The following PRIM2 variants were observed in gnomAD, a reference collection of about 807,000 sequenced individuals.
PRIM2 encodes DNA primase large subunit.
Under a neutral mutation model 67.3 loss-of-function variants are expected in PRIM2, and 39 were observed. That is an observed-to-expected ratio of 0.58 (90% CI 0.45 to 0.76). The LOEUF is 0.76. Among genes scored for constraint, PRIM2 ranks in the 30% least tolerant of loss-of-function variants. The pLI is 0.00. For synonymous variants in PRIM2, 143 were observed against 198.7 expected (o/e 0.72, Z 2.36); for missense variants, 398 against 598.7 (o/e 0.66, Z 3.50).
intron 8 of PRIM2, among the ~76,000 whole-genome samples, chr6:57,521,608 T>A (rs1313142957): frequency 6.6e-6 from 1 of 152,118 alleles, no homozygotes. Flanking sequence ...TACTTTTTAA[T>A]GGTCCAAATA....
chr6:57,368,043 CA>C (rs1402173840), intron 5 of PRIM2, among the ~76,000 whole-genome samples: 2 of 152,162 alleles, frequency 1.3e-5, no homozygotes, highest in Non-Finnish European at 2.9e-5. Context: ...TTTATAATCA[CA>C]GTATTTGCTA....
At chr6:57,262,090 G>T in the PRIM2 span, among the ~76,000 whole-genome samples, 1 of 152,080 alleles carries the variant, frequency 6.6e-6, no homozygotes, top group African/African-American at 2.4e-5. Context: ...CCCCACTGTT[G>T]CCCAGATCAG....
At chr6:57,244,268 C>T in the PRIM2 span, among the ~76,000 whole-genome samples, 4 of 152,278 alleles carry the variant, frequency 2.6e-5, no homozygotes, top group African/African-American at 4.8e-5. Flanking sequence ...CTTTGTTTAA[C>T]GAAATGCACC....
chr6:57,414,274 A>G (rs1412029081), intron 7 of PRIM2, among the ~76,000 whole-genome samples: 1 of 152,138 alleles, frequency 6.6e-6, no homozygotes, highest in African/African-American at 2.4e-5. Flanking sequence ...GAACATGAAT[A>G]TTTCTATGAC....
At chr6:57,439,958 T>C (rs1264944851) in intron 7 of PRIM2, among the ~76,000 whole-genome samples, 2 of 152,140 alleles carry the variant, frequency 1.3e-5, no homozygotes, top group African/African-American at 2.4e-5. Context: ...TTTAAAAATA[T>C]TATAAATTAC....
the PRIM2 span, among the ~76,000 whole-genome samples, chr6:57,241,688 A>AT: frequency 0.029 from 3,393 of 119,006 alleles, 143 homozygotes; most frequent in African/African-American, 0.066. Flanking sequence ...AGAACTATGT[A>AT]TTTTTTTTTT....
At chr6:57,341,831 C>T (rs62418104) in intron 5 of PRIM2, among the ~76,000 whole-genome samples, 1 of 152,250 alleles carries the variant, frequency 6.6e-6, no homozygotes, top group South Asian at 2.1e-4. Flanking sequence ...AAGGAAACAG[C>T]AGGGAGTGGG....
intron 7 of PRIM2, among the ~76,000 whole-genome samples, chr6:57,460,313 G>A (rs1462839856): frequency 1.3e-5 from 2 of 152,214 alleles, no homozygotes; most frequent in African/African-American, 4.8e-5. Context: ...ACTTGATGGA[G>A]TGCTTAATTT....
intron 7 of PRIM2, among the ~76,000 whole-genome samples, chr6:57,386,226 A>AAAC (rs78426519): frequency 1.1e-4 from 17 of 151,182 alleles, no homozygotes; most frequent in East Asian, 5.9e-4. Context: ...TCTCTACTAA[A>AAAC]AACAACAACA....
At chr6:57,478,571 A>G (rs1773535847) in intron 7 of PRIM2, among the ~76,000 whole-genome samples, 1 of 152,134 alleles carries the variant, frequency 6.6e-6, no homozygotes, top group Non-Finnish European at 1.5e-5. Flanking sequence ...ATACTCTACT[A>G]AAATTATTTA....
At chr6:57,536,716 A>G (rs1309615787) in intron 9 of PRIM2, among the ~76,000 whole-genome samples, 230 of 152,356 alleles carry the variant, frequency 1.5e-3, no homozygotes, top group African/African-American at 5.2e-3. Flanking sequence ...CTGAGTAAAA[A>G]ATGACAATCT....
the PRIM2 span, among the ~76,000 whole-genome samples, chr6:57,222,791 A>G: frequency 6.6e-6 from 1 of 152,254 alleles, no homozygotes; most frequent in Non-Finnish European, 1.5e-5. Context: ...ATAGAAAAAA[A>G]AGATGGAAAA....
intron 13 of PRIM2, among the ~76,000 whole-genome samples, chr6:57,642,433 A>ATTTTTTTT (rs1777256008): frequency 4.7e-5 from 5 of 107,056 alleles, no homozygotes; most frequent in Non-Finnish European, 7.4e-5. Context: ...TAAATATTAT[A>ATTTTTTTT]TCTTTTTTTT....
At chr6:57,600,336 GATT>G (rs1190863948) in intron 10 of PRIM2, among the ~76,000 whole-genome samples, 3,832 of 146,424 alleles carry the variant, frequency 0.026, 176 homozygotes, top group African/African-American at 0.09. Context: ...CAGAGGAAGG[GATT>G]ATTATTATTA....
At chr6:57,408,699 T>C (rs1770983851) in intron 7 of PRIM2, among the ~76,000 whole-genome samples, 1 of 152,152 alleles carries the variant, frequency 6.6e-6, no homozygotes. Context: ...CATTGTGCTT[T>C]CGACATTCAT....
intron 12 of PRIM2, among the ~76,000 whole-genome samples, chr6:57,623,585 G>C (rs1488507281): frequency 9.9e-5 from 15 of 152,020 alleles, no homozygotes; most frequent in African/African-American, 3.1e-4. Context: ...TGTCACTTGG[G>C]ATATTTTTGT....
In PRIM2 at chr6:57,525,283, A is replaced by G. The variant is rs1400788426; in HGVS notation, c.762-7128A>G. ...CCCTTCAACAACCTTAATAAACTTT[A>G]ATCACATACTTTTATGAACCTGGTC... On this transcript the variant is annotated intron_variant, in intron 8 of 13. Coordinates refer to ENST00000615550, the MANE Select transcript of PRIM2 (RefSeq NM_000947.5). 1.4e-3 allele frequency among the ~76,000 whole-genome samples: 206 copies of G among 152,316 alleles called. 5 individuals carry two copies. The East Asian group carries it at 0.018, about 13-fold the overall frequency.
chr6:57,446,394 G>T, intron 7 of PRIM2, among the ~76,000 whole-genome samples: 1 of 142,186 alleles, frequency 7.0e-6, no homozygotes. Flanking sequence ...GATAGCATGG[G>T]CATAGGCCTG....
Position 57,597,789 on chromosome 6 carries a change from G to A in PRIM2, c.1021-3304G>A, listed in dbSNP as rs1232066918. 1.4e-4 allele frequency among the ~76,000 whole-genome samples: 22 copies of A among 152,172 alleles called. 1 individual carries two copies. Among genetic ancestry groups the A allele is most frequent in the Admixed American group, 2.0e-4 (3 of 15,268 alleles). Reference sequence around the variant, plus strand: ...CAAGGGCAACTCTGAAGTGTCTTGCGGTCACTTAAAAGAGGGGGGATTTAC... The same window carrying A: ...CAAGGGCAACTCTGAAGTGTCTTGCAGTCACTTAAAAGAGGGGGGATTTAC... On this transcript the variant is annotated intron_variant, in intron 10 of 13. Coordinates refer to ENST00000615550, the MANE Select transcript of PRIM2 (RefSeq NM_000947.5).
Sources: allele counts gnomAD v4.1 joint callset (sites outside exome capture counted in the v4.1 genomes callset), GRCh38; gene constraint gnomAD v4.1.1; transcripts MANE v1.5; gene names NCBI Gene and HGNC (gene_info 2026-07-23, HGNC 2026-07-21).